DIP2B: variants seen among roughly 807,000 people sequenced by gnomAD.
DIP2B encodes the protein disco-interacting protein 2 homolog B.
A neutral mutation model predicts 198.0 loss-of-function variants in DIP2B; 76 were observed. The observed-to-expected ratio is 0.38, with a 90% CI of 0.32 to 0.46. The LOEUF (loss-of-function observed/expected upper bound fraction) is 0.46, where lower values mean the gene tolerates loss of function less well. Ranked by LOEUF, DIP2B falls within the 20% of genes least tolerant of loss-of-function variation. The probability of loss-of-function intolerance (pLI) is 0.99; values close to 1 mark genes in which losing one functional copy is unlikely to be tolerated. For synonymous variants in DIP2B, 701 were observed against 739.1 expected, an observed-to-expected ratio of 0.95 and a Z score of 0.84; for missense variants, 1,559 against 1,978.4, an observed-to-expected ratio of 0.79 and a Z score of 4.02.
chr12:50,736,997 C>T, intron 34 of DIP2B, 39 bp from the exon 35 acceptor site: 3 of 1,597,982 alleles, frequency 1.9e-6, no homozygotes. Flanking sequence ...CATTAGATTT[C>T]ACTGAACTCA....
Position 50,676,518 on chromosome 12 carries a change from C to T in DIP2B, c.916+1070C>T, listed in dbSNP as rs74089856. 5.2e-3 allele frequency among the ~76,000 whole-genome samples: 795 copies of T among 152,312 alleles called. 11 individuals carry two copies. The highest frequency in any genetic ancestry group is 0.018 in the African/African-American group (746 of 41,560). The stretch of plus-strand genomic sequence containing the variant: ...TCAAGATGTCCACGCCAGCAATAGC[C>T]TTTCCAGTGTTTTTAGCATTGGGTA... On this transcript the variant is annotated intron_variant, in intron 7 of 37. Transcript: ENST00000301180.
chr12:50,741,382 C>G, intron 36 of DIP2B, 34 bp from the exon 37 acceptor site: 2 of 1,606,826 alleles, frequency 1.2e-6, no homozygotes, highest in Non-Finnish European at 1.7e-6. Context: ...CAGTATATGT[C>G]CAAGCCACAT....
intron 21 of DIP2B, 147 bp downstream of exon 21, chr12:50,706,812 TTCTTC>T: frequency 6.8e-6 from 4 of 584,374 alleles, no homozygotes; most frequent in Non-Finnish European, 1.0e-5. Context: ...GCTTTTTTTT[TTCTTC>T]TTCTTCTTCT....
At position 50,674,475 on chromosome 12, in the gene DIP2B, G is replaced by A; in HGVS notation, c.642G>A (p.Glu214=). ...CTAAACTTTGTTTTCTCCTCTCAGA[G>A]AATTTCTCTGCTCCTCCTGATGTCA... is the stretch of plus-strand genomic sequence containing the variant. ...LADVFANTRI[E]NFSAPPDVTT... Residue 214 remains glutamate, a splice_region_variant and synonymous_variant, in exon 6 of 38, where the codon GAG becomes GAA. Coordinates refer to ENST00000301180, the MANE Select transcript of DIP2B (RefSeq NM_173602.3). 3 of 1,614,114 alleles carry A rather than the reference G, an allele frequency of 1.9e-6. No individual in the cohort carries two copies. The highest frequency in any genetic ancestry group is 2.5e-6 in the Non-Finnish European group (3 of 1,180,002).
intron 1 of DIP2B, among the ~76,000 whole-genome samples, chr12:50,516,467 T>A (rs1958066158): frequency 6.6e-6 from 1 of 152,032 alleles, no homozygotes; most frequent in African/African-American, 2.4e-5. Flanking sequence ...TTTCCCAGAC[T>A]GGTCTCAAAC....
rs556375819 is a variant in DIP2B, at chr12:50,697,905, A to T, written c.2049-423A>T. 7.9e-5 allele frequency among the ~76,000 whole-genome samples: 12 copies of T among 151,692 alleles called. No homozygotes were observed. The East Asian group carries it at 9.7e-4, about 12-fold the overall frequency. On this transcript the variant is annotated intron_variant, in intron 17 of 37. Transcript: ENST00000301180. ...GTGTTTACTACACTACATTTTTTTT[A>T]AATTTAATTTTTGAGAGATGGGGTC...
In DIP2B at chr12:50,640,847, G is replaced by T; in HGVS notation, c.296G>T (p.Arg99Leu). ...GGGGGAGCCAGGGATGAACGATATC[G>T]ATCAGGTGAGGAGAAGCTGCAGAAT... Reference protein sequence around the residue: ...RSGGARDERYRSDIHTEAVQA... With the variant: ...RSGGARDERYLSDIHTEAVQA... The change falls in exon 3 of 38, where the codon CGA becomes CTA. Residue 99 changes from arginine (R) to leucine (L), a missense_variant. Transcript: ENST00000301180. The T allele has an allele frequency of 6.2e-7, 1 of 1,613,390 alleles. No individual in the cohort carries two copies. The highest frequency in any genetic ancestry group is 1.1e-5 in the South Asian group (1 of 90,998).
chr12:50,505,828 G>A (rs1033018285), intron 1 of DIP2B, among the ~76,000 whole-genome samples: 1 of 151,934 alleles, frequency 6.6e-6, no homozygotes, highest in Non-Finnish European at 1.5e-5. Flanking sequence ...AGAGACACAC[G>A]GTGCTGCTTT....
At chr12:50,615,039 G>A (rs879413198) in intron 1 of DIP2B, among the ~76,000 whole-genome samples, 2 of 152,126 alleles carry the variant, frequency 1.3e-5, no homozygotes, top group Non-Finnish European at 2.9e-5. Context: ...CCTGGCACAT[G>A]CACCATTTAA....
In DIP2B at chr12:50,612,380, G is replaced by A. The variant is rs145063863; in HGVS notation, c.101-13596G>A. On this transcript the variant is annotated intron_variant, in intron 1 of 37. Coordinates refer to ENST00000301180, the MANE Select transcript of DIP2B (RefSeq NM_173602.3). Reference sequence around the variant, plus strand: ...AATCGTGTTATTTCTTCTTGAGGGTGACATCTTCTGCCCTCCCAAGATGAA... The same window carrying A: ...AATCGTGTTATTTCTTCTTGAGGGTAACATCTTCTGCCCTCCCAAGATGAA... Among the ~76,000 whole-genome samples the A allele has an allele frequency of 2.4e-4, 37 of 151,738 alleles. No homozygotes were observed. In the East Asian group the frequency reaches 6.8e-3, roughly 28 times the overall value.
At chr12:50,718,374 C>G (rs779066126) in intron 23 of DIP2B, among the ~76,000 whole-genome samples, 2 of 152,144 alleles carry the variant, frequency 1.3e-5, no homozygotes, top group African/African-American at 4.8e-5. Flanking sequence ...GCTATCACCT[C>G]CTCAGAGTGA....
intron 1 of DIP2B, among the ~76,000 whole-genome samples, chr12:50,540,831 C>T (rs2139374519): frequency 6.6e-6 from 1 of 152,058 alleles, no homozygotes; most frequent in East Asian, 2.0e-4. Context: ...GCCACCGCGC[C>T]CAGCCAGCTA....
At chr12:50,602,221 T>G (rs1349519837) in intron 1 of DIP2B, among the ~76,000 whole-genome samples, 2 of 152,234 alleles carry the variant, frequency 1.3e-5, no homozygotes, top group Non-Finnish European at 2.9e-5. Flanking sequence ...CCAAAGATAC[T>G]TATGTATAAG....
At chr12:50,621,860 T>G (rs1049869124) in intron 1 of DIP2B, among the ~76,000 whole-genome samples, 8 of 152,210 alleles carry the variant, frequency 5.3e-5, no homozygotes, top group African/African-American at 1.7e-4. Context: ...CTTAATTTCT[T>G]TGCTCGTTTG....
intron 3 of DIP2B, among the ~76,000 whole-genome samples, chr12:50,651,682 T>C (rs1938456007): frequency 1.3e-5 from 2 of 152,132 alleles, no homozygotes; most frequent in African/African-American, 4.8e-5. Context: ...CCGTTGGTCT[T>C]CCTGTCGGTC....
chr12:50,517,393 C>T (rs911085872), intron 1 of DIP2B, among the ~76,000 whole-genome samples: 17 of 152,156 alleles, frequency 1.1e-4, no homozygotes, highest in African/African-American at 4.1e-4. Flanking sequence ...TCTAATGGAT[C>T]ACTGAGTCTT....
At position 50,747,560 on chromosome 12, in the gene DIP2B, C is replaced by T. The variant is rs1046065859; in HGVS notation, c.*2721C>T. On this transcript the variant is annotated 3_prime_UTR_variant, in exon 38 of 38. Coordinates refer to ENST00000301180, the MANE Select transcript of DIP2B (RefSeq NM_173602.3). ...GATTTAAAGCCTACTCTGCCACAGA[C>T]TCGAGTAAGAAAATGTTCTCTTGAT... The T allele has an allele frequency of 6.6e-6, 1 of 152,228 alleles. No homozygotes were observed. The highest frequency in any genetic ancestry group is 1.5e-5 in the Non-Finnish European group (1 of 68,054). 9.4% of individuals were successfully genotyped at this position (152,228 alleles called of 1,614,324 possible). A position where few individuals can be genotyped will look rare whatever the true frequency, so the allele number is the denominator to read the frequency against.
At chr12:50,593,398 G>A (rs1355400876) in intron 1 of DIP2B, among the ~76,000 whole-genome samples, 1 of 151,976 alleles carries the variant, frequency 6.6e-6, no homozygotes, top group Non-Finnish European at 1.5e-5. Context: ...CCAGCTTCTT[G>A]GGAAGCTGAG....
chr12:50,651,267 A>G (rs1159331381), intron 3 of DIP2B, among the ~76,000 whole-genome samples: 2 of 152,074 alleles, frequency 1.3e-5, no homozygotes, highest in East Asian at 1.9e-4. Context: ...TATTTTCTCC[A>G]ATTTTGCAGG....
Sources: gnomAD v4.1 joint callset for allele counts (sites outside exome capture counted in the v4.1 genomes callset) on GRCh38, gnomAD v4.1.1 for gene constraint, MANE v1.5 for transcripts, NCBI Gene and HGNC (gene_info 2026-07-23, HGNC 2026-07-21) for gene names.